Variants in CFAP20DC observed in about 807,000 individuals in gnomAD.
CFAP20DC encodes the protein CFAP20 domain containing.
A neutral mutation model predicts 101.7 loss-of-function variants in CFAP20DC; 84 were observed. That is an observed-to-expected ratio of 0.83 (90% CI 0.69 to 0.99). The LOEUF is 0.99. Ranked by LOEUF, CFAP20DC falls within the 50% of genes least tolerant of loss-of-function variation. CFAP20DC has a pLI of 0.00. For synonymous variants in CFAP20DC, 359 were observed against 351.2 expected, an observed-to-expected ratio of 1.02 and a Z score of -0.25; for missense variants, 1,007 against 970.3, an observed-to-expected ratio of 1.04 and a Z score of -0.50.
Position 58,869,375 on chromosome 3 carries a change from C to A in CFAP20DC, c.968G>T (p.Gly323Val). The A allele has an allele frequency of 6.2e-7, 1 of 1,613,644 alleles. No individual in the cohort carries two copies. The highest frequency in any genetic ancestry group is 8.5e-7 in the Non-Finnish European group (1 of 1,179,714). ...TATTTGGTGAATATTTTCTTTATTTCCTTGTTCCTCAGACTCAGGTATCAG... is the reference window on the plus strand; with the variant it reads ...TATTTGGTGAATATTTTCTTTATTTACTTGTTCCTCAGACTCAGGTATCAG... ...ALLIPESEEQ[G>V]NKENIHQIKQ... The change falls in exon 9 of 17, where the codon GGA becomes GTA. Residue 323 changes from glycine (G) to valine (V), a missense_variant. Physicochemically the swap from Gly to Val is moderately radical, Grantham distance 109. Coordinates refer to ENST00000482387, the MANE Select transcript of CFAP20DC (RefSeq NM_001394063.1). The surrounding 1 kb of genome is among the most constrained non-coding windows in gnomAD (Gnocchi z 4.3).
At chr3:58,844,922 T>C (rs1453844664) in intron 13 of CFAP20DC, among the ~76,000 whole-genome samples, 3 of 138,530 alleles carry the variant, frequency 2.2e-5, no homozygotes, top group Non-Finnish European at 4.5e-5. Flanking sequence ...ACTGGGTACA[T>C]AACGAAATGA....
chr3:59,008,295 C>T (rs184013060), intron 4 of CFAP20DC, among the ~76,000 whole-genome samples: 1 of 152,272 alleles, frequency 6.6e-6, no homozygotes, highest in African/African-American at 2.4e-5. Flanking sequence ...GGTGACCTGG[C>T]ATGGGAGCTC....
rs569612397 is a variant in CFAP20DC, at chr3:58,869,279, TCTCA to T, written c.1015+45_1015+48del. On this transcript the variant is annotated intron_variant, in intron 9 of 16. Transcript: ENST00000482387. This position sits in a 1 kb window ranked among gnomAD's most constrained non-coding sequence, Gnocchi z 4.3. ...GCTGATTTATCTTAACAAGAACATTTCTCACTATTTTCACTAGCTATCAATCTTT... is the reference window on the plus strand; with the variant it reads ...GCTGATTTATCTTAACAAGAACATTTCTATTTTCACTAGCTATCAATCTTT... The T allele has an allele frequency of 3.6e-4, 523 of 1,441,998 alleles. 6 individuals are homozygous for T. The Middle Eastern group carries it at 0.012, about 32-fold the overall frequency. The allele number at this position is 1,441,998 out of a possible 1,614,324, so 89.3% of individuals were successfully genotyped here. A position where few individuals can be genotyped will look rare whatever the true frequency, so the allele number is the denominator to read the frequency against.
chr3:58,971,012 C>T lies in CFAP20DC; in HGVS notation c.279-33250G>A, dbSNP rs923313628. 1.3e-5 allele frequency among the ~76,000 whole-genome samples: 2 copies of T among 152,144 alleles called. No homozygotes were observed. The highest frequency in any genetic ancestry group is 4.8e-5 in the African/African-American group (2 of 41,422). On this transcript the variant is annotated intron_variant, in intron 4 of 16. Coordinates refer to ENST00000482387, the MANE Select transcript of CFAP20DC (RefSeq NM_001394063.1). The surrounding 1 kb of genome is among the most constrained non-coding windows in gnomAD (Gnocchi z 4.1). Reference sequence around the variant, plus strand: ...TTCAAATTATACATCTGTAACACCACCCACTCTCCTAACCTCCCAAGCATA... The same window carrying T: ...TTCAAATTATACATCTGTAACACCATCCACTCTCCTAACCTCCCAAGCATA...
At chr3:58,735,514 T>C (rs896985706) in intron 3 of CFAP20DC, among the ~76,000 whole-genome samples, 1 of 152,224 alleles carries the variant, frequency 6.6e-6, no homozygotes, top group African/African-American at 2.4e-5. Context: ...CTGCTCATTC[T>C]GGCACCACAG....
intron 6 of CFAP20DC, among the ~76,000 whole-genome samples, chr3:58,891,345 G>A (rs896216844): frequency 3.5e-4 from 53 of 152,078 alleles, no homozygotes; most frequent in African/African-American, 1.2e-3. Flanking sequence ...GGAGGTTGCA[G>A]TGAGCCGAGA....
chr3:58,991,971 C>T (rs1337567646), intron 4 of CFAP20DC, among the ~76,000 whole-genome samples: 2 of 152,188 alleles, frequency 1.3e-5, no homozygotes, highest in Non-Finnish European at 2.9e-5. Flanking sequence ...AACATTATTA[C>T]TGCTGCTAAA....
At chr3:58,823,172 G>A (rs2075807824) in intron 14 of CFAP20DC, among the ~76,000 whole-genome samples, 1 of 151,958 alleles carries the variant, frequency 6.6e-6, no homozygotes, top group Non-Finnish European at 1.5e-5. Flanking sequence ...AAATAAATTT[G>A]TATGTTTTTC....
intron 15 of CFAP20DC, among the ~76,000 whole-genome samples, chr3:58,765,507 A>AAAAAAAAAAAAAAAAAAAAAAAC (rs1553651634): frequency 6.8e-6 from 1 of 146,656 alleles, no homozygotes. Context: ...AAAAAAAAAA[A>AAAAAAAAAAAAAAAAAAAAAAAC]CAAACAGAAA....
At chr3:58,954,843 A>G (rs1021834183) in intron 4 of CFAP20DC, among the ~76,000 whole-genome samples, 1 of 152,096 alleles carries the variant, frequency 6.6e-6, no homozygotes, top group Non-Finnish European at 1.5e-5. Flanking sequence ...TACACCTATG[A>G]TTTTAAATTA....
At chr3:58,884,413 T>C in intron 7 of CFAP20DC, 132 bp downstream of exon 7, 1 of 732,506 alleles carries the variant, frequency 1.4e-6, no homozygotes, top group Non-Finnish European at 2.2e-6. Context: ...TGGCGTGGTA[T>C]GTGGCAAGTA....
intron 4 of CFAP20DC, among the ~76,000 whole-genome samples, chr3:58,973,418 G>C (rs2092071245): frequency 1.3e-5 from 2 of 152,080 alleles, no homozygotes; most frequent in Non-Finnish European, 2.9e-5. Flanking sequence ...TCTTGCCCAG[G>C]CACCACACAG....
intron 3 of CFAP20DC, among the ~76,000 whole-genome samples, chr3:58,720,155 G>A (rs1214052363): frequency 1.3e-5 from 2 of 152,202 alleles, no homozygotes; most frequent in Admixed American, 6.5e-5. Context: ...TGTTGTCCAC[G>A]TGTTTATTGG....
At chr3:58,870,926 AAAAAAGG>A (rs1308000778) in intron 7 of CFAP20DC, among the ~76,000 whole-genome samples, 1 of 142,634 alleles carries the variant, frequency 7.0e-6, no homozygotes, top group African/African-American at 2.8e-5. Flanking sequence ...AAAAAAAAAG[AAAAAAGG>A]AAAAGCTACT....
intron 4 of CFAP20DC, among the ~76,000 whole-genome samples, chr3:59,011,001 C>A (rs939929487): frequency 6.6e-6 from 1 of 152,166 alleles, no homozygotes; most frequent in African/African-American, 2.4e-5. Flanking sequence ...TGAAAAAATT[C>A]TTTCAACTGG....
At chr3:58,773,711 G>C (rs1338350008) in intron 15 of CFAP20DC, among the ~76,000 whole-genome samples, 4 of 152,158 alleles carry the variant, frequency 2.6e-5, no homozygotes, top group African/African-American at 7.2e-5. Context: ...ACTAAAACAA[G>C]TAGGTGCTAA....
At chr3:58,718,307 C>G (rs1308540101) in intron 3 of CFAP20DC, among the ~76,000 whole-genome samples, 1 of 152,146 alleles carries the variant, frequency 6.6e-6, no homozygotes, top group Non-Finnish European at 1.5e-5. Flanking sequence ...CCAGTTTATT[C>G]AAAATTCATT....
At chr3:58,823,613 A>G (rs886847754) in intron 14 of CFAP20DC, among the ~76,000 whole-genome samples, 40 of 152,172 alleles carry the variant, frequency 2.6e-4, no homozygotes, top group African/African-American at 9.2e-4. Context: ...CTGCCAGGAA[A>G]GAGTGGAGCT....
Position 58,894,069 on chromosome 3 carries a change from C to G in CFAP20DC, c.551-9360G>C, listed in dbSNP as rs2082474250. On this transcript the variant is annotated intron_variant, in intron 6 of 16. Transcript: ENST00000482387. This position sits in a 1 kb window ranked among gnomAD's most constrained non-coding sequence, Gnocchi z 4.1. ...AGAACAGCATGGGAAGTACCTGCCC[C>G]CATGATGCAATTACCTCCTACTGAG... Among the ~76,000 whole-genome samples the G allele has an allele frequency of 6.6e-6, 1 of 152,088 alleles. No homozygotes were observed. Among genetic ancestry groups the G allele is most frequent in the South Asian group, 2.1e-4 (1 of 4,830 alleles).
Sources: gnomAD v4.1 joint callset for allele counts (sites outside exome capture counted in the v4.1 genomes callset) on GRCh38, gnomAD v4.1.1 for gene constraint, Gnocchi (gnomAD v3.1) non-coding constraint, MANE v1.5 for transcripts, NCBI Gene and HGNC (gene_info 2026-07-23, HGNC 2026-07-21) for gene names.